ACOX3: variants seen among roughly 807,000 people sequenced by gnomAD.
ACOX3 encodes acyl-CoA oxidase 3, pristanoyl.
A neutral mutation model predicts 81.5 loss-of-function variants in ACOX3; 73 were observed. The observed-to-expected ratio is 0.90, with a 90% CI of 0.74 to 1.09. The LOEUF (loss-of-function observed/expected upper bound fraction) is 1.09, where lower values mean the gene tolerates loss of function less well. ACOX3 is among the 50% of genes least tolerant of loss of function. ACOX3 has a pLI of 0.00. For synonymous variants in ACOX3, 387 were observed against 375.1 expected (o/e 1.03, Z -0.37); for missense variants, 947 against 928.0 (o/e 1.02, Z -0.27).
At chr4:8,426,207 G>A (rs180974598) in intron 1 of ACOX3, among the ~76,000 whole-genome samples, 114 of 152,134 alleles carry the variant, frequency 7.5e-4, no homozygotes, top group African/African-American at 2.6e-3. Context: ...ACCTGTACCC[G>A]AGAGGAGGGA....
the ACOX3 span, among the ~76,000 whole-genome samples, chr4:8,361,163 C>T: frequency 5.9e-5 from 9 of 151,958 alleles, no homozygotes; most frequent in Non-Finnish European, 1.2e-4. Context: ...GTGGCTCACG[C>T]CCGTAATCCC....
In ACOX3 at chr4:8,394,812, T is replaced by C; in HGVS notation, c.1057-70A>G. 5 of 1,555,946 alleles carry C rather than the reference T, an allele frequency of 3.2e-6. No homozygotes were observed. The highest frequency in any genetic ancestry group is 2.1e-4 in the Middle Eastern group (1 of 4,738). Reference sequence around the variant, plus strand: ...GAAGGGCAGCCCATCCCAGGGACCATGAAAGCCAGTGCAGGGAGAGGCCGT... The same window carrying C: ...GAAGGGCAGCCCATCCCAGGGACCACGAAAGCCAGTGCAGGGAGAGGCCGT... On this transcript the variant is annotated intron_variant, in intron 9 of 17. Coordinates refer to ENST00000356406, the MANE Select transcript of ACOX3 (RefSeq NM_003501.3). This position sits in a 1 kb window ranked among gnomAD's most constrained non-coding sequence, Gnocchi z 5.9.
chr4:8,371,687 G>A (rs898553402), intron 16 of ACOX3, among the ~76,000 whole-genome samples: 2 of 152,262 alleles, frequency 1.3e-5, no homozygotes, highest in Non-Finnish European at 2.9e-5. Flanking sequence ...GCACCTCTGC[G>A]CTTCAGCGCC....
the ACOX3 span, among the ~76,000 whole-genome samples, chr4:8,360,847 C>G: frequency 2.0e-5 from 3 of 152,110 alleles, no homozygotes; most frequent in African/African-American, 7.2e-5. Flanking sequence ...GTGGAGTTAG[C>G]CACGCCCCTA....
chr4:8,395,160 C>T (rs1719550571), intron 9 of ACOX3, among the ~76,000 whole-genome samples: 1 of 150,328 alleles, frequency 6.7e-6, no homozygotes, highest in Non-Finnish European at 1.5e-5. Flanking sequence ...AAGCTGAGGC[C>T]CACACAGAGC....
chr4:8,399,669 G>T lies in ACOX3; in HGVS notation c.777-17C>A. On this transcript the variant is annotated splice_polypyrimidine_tract_variant and intron_variant, in intron 7 of 17. Coordinates refer to ENST00000356406, the MANE Select transcript of ACOX3 (RefSeq NM_003501.3). This position sits in a 1 kb window ranked among gnomAD's most constrained non-coding sequence, Gnocchi z 4.9. Reference sequence around the variant, plus strand: ...ATGGCGAAACTGTGGGGAAGCAGCAGGGCTTCTGTTAAACAGGGGTCCTGC... The same window carrying T: ...ATGGCGAAACTGTGGGGAAGCAGCATGGCTTCTGTTAAACAGGGGTCCTGC... 6 of 1,610,066 alleles carry T rather than the reference G, an allele frequency of 3.7e-6. No homozygotes were observed. The highest frequency in any genetic ancestry group is 5.1e-6 in the Non-Finnish European group (6 of 1,176,366).
chr4:8,402,369 C>T (rs1423934301), intron 7 of ACOX3, among the ~76,000 whole-genome samples: 1 of 152,218 alleles, frequency 6.6e-6, no homozygotes, highest in African/African-American at 2.4e-5. Context: ...CAGCTTCCCC[C>T]ATGCCACAGC....
At position 8,429,915 on chromosome 4, in the gene ACOX3, A is replaced by G. The variant is rs375632864; in HGVS notation, c.-15+10733T>C. Among the ~76,000 whole-genome samples, 16 of 152,292 alleles carry G rather than the reference A, an allele frequency of 1.1e-4. No individual in the cohort carries two copies. In the East Asian group the frequency reaches 2.9e-3, roughly 27 times the overall value. On this transcript the variant is annotated intron_variant, in intron 1 of 17. Transcript: ENST00000356406. The stretch of plus-strand genomic sequence containing the variant: ...AACATAGTGAGACTCTGCATTAAAA[A>G]AAAAAAAGTGAAAAAAGCACAAGGA...
Position 8,392,337 on chromosome 4 carries a change from C to A in ACOX3, c.1296G>T (p.Leu432=). ...CREACGGHGY[L]AMNRLGVLRD... ...ATGCGCTTCTCCAAAACCTACTGGCCAGATAGCCGTGTCCTCCACACGCCT... is the reference window on the plus strand; with the variant it reads ...ATGCGCTTCTCCAAAACCTACTGGCAAGATAGCCGTGTCCTCCACACGCCT... The change falls in exon 11 of 18, where the codon CTG becomes CTT. Residue 432 remains leucine (L), a synonymous_variant. Transcript: ENST00000356406. 1.3e-6 allele frequency: 2 copies of A among 1,575,794 alleles called. No individual in the cohort carries two copies. Among genetic ancestry groups the A allele is most frequent in the Non-Finnish European group, 1.7e-6 (2 of 1,162,972 alleles).
chr4:8,381,466 AG>A lies in ACOX3; in HGVS notation c.1653+25del, dbSNP rs1717638396. On this transcript the variant is annotated intron_variant, in intron 14 of 17. Coordinates refer to ENST00000356406, the MANE Select transcript of ACOX3 (RefSeq NM_003501.3). This position sits in a 1 kb window ranked among gnomAD's most constrained non-coding sequence, Gnocchi z 4.3. Reference sequence around the variant, plus strand: ...GGGAATTAAGAGCAAATAATACAAAAGGGAATTTTGAAAACAAATACTTACC... The same window carrying A: ...GGGAATTAAGAGCAAATAATACAAAAGGAATTTTGAAAACAAATACTTACC... The A allele has an allele frequency of 6.3e-7, 1 of 1,594,612 alleles. No homozygotes were observed. The highest frequency in any genetic ancestry group is 1.3e-5 in the African/African-American group (1 of 74,436).
intron 5 of ACOX3, among the ~76,000 whole-genome samples, chr4:8,411,931 G>T (rs1485719509): frequency 6.6e-6 from 1 of 152,148 alleles, no homozygotes; most frequent in Non-Finnish European, 1.5e-5. Context: ...CTGGATCCTG[G>T]GCACCCCAAC....
intron 13 of ACOX3, among the ~76,000 whole-genome samples, chr4:8,387,099 G>A (rs533456492): frequency 6.6e-6 from 1 of 152,350 alleles, no homozygotes; most frequent in East Asian, 1.9e-4. Context: ...CGCTCTATCT[G>A]CCCAGTTGAA....
intron 1 of ACOX3, among the ~76,000 whole-genome samples, chr4:8,435,231 C>G (rs1724158542): frequency 6.6e-6 from 1 of 152,172 alleles, no homozygotes; most frequent in South Asian, 2.1e-4. Flanking sequence ...TGGCTCACGC[C>G]TATAATCCCA....
downstream of ACOX3, among the ~76,000 whole-genome samples, chr4:8,365,755 G>C (rs1272292505): frequency 2.6e-5 from 4 of 152,204 alleles, no homozygotes; most frequent in Non-Finnish European, 2.9e-5. Flanking sequence ...ATGTGGTGGG[G>C]GGGTGGTGTC....
In ACOX3 at chr4:8,389,908, C is replaced by A. The variant is rs1212971292; in HGVS notation, c.1301-174G>T. ...TCACTTGAAGCCAGGTGTTCAAGAC[C>A]AGCCTGACCAACATGGTGAAACCCA... is the stretch of plus-strand genomic sequence containing the variant. On this transcript the variant is annotated intron_variant, in intron 11 of 17. Transcript: ENST00000356406. This position sits in a 1 kb window ranked among gnomAD's most constrained non-coding sequence, Gnocchi z 5.3. 6.6e-6 allele frequency among the ~76,000 whole-genome samples: 1 copy of A among 152,006 alleles called. No individual in the cohort carries two copies. The highest frequency in any genetic ancestry group is 1.5e-5 in the Non-Finnish European group (1 of 68,008).
At chr4:8,371,118 G>A (rs1192212967) in intron 16 of ACOX3, 124 bp from the exon 17 acceptor site, 5 of 786,102 alleles carry the variant, frequency 6.4e-6, no homozygotes, top group African/African-American at 1.7e-5. Flanking sequence ...CGGCACGTGC[G>A]GCTCTGCTGC....
intron 15 of ACOX3, chr4:8,374,224 G>C (rs1452876827): frequency 6.4e-6 from 1 of 155,394 alleles, no homozygotes; most frequent in African/African-American, 2.4e-5. Context: ...TTCCGCTGGA[G>C]AGAACTGTGT....
chr4:8,369,305 G>A (rs979856823), intron 17 of ACOX3, among the ~76,000 whole-genome samples: 5 of 152,104 alleles, frequency 3.3e-5, no homozygotes, highest in Non-Finnish European at 7.4e-5. Context: ...TCCCAGGAAG[G>A]TGGGTAGGGC....
In ACOX3 at chr4:8,414,508, C is replaced by T. The variant is rs1380555455; in HGVS notation, c.454-127G>A. On this transcript the variant is annotated intron_variant, in intron 4 of 17. Transcript: ENST00000356406. This position sits in a 1 kb window ranked among gnomAD's most constrained non-coding sequence, Gnocchi z 6.1. ...ATCAAAGCCCCAAATTTCCATCTAC[C>T]CAACTAGTGACTTGACTGAGTCATG... 1 of 878,080 alleles carries T rather than the reference C, an allele frequency of 1.1e-6. No homozygotes were observed. The highest frequency in any genetic ancestry group is 1.8e-6 in the Non-Finnish European group (1 of 550,450). 54.4% of individuals were successfully genotyped at this position (878,080 alleles called of 1,614,324 possible).
Sources: allele counts gnomAD v4.1 joint callset (sites outside exome capture counted in the v4.1 genomes callset), GRCh38; gene constraint gnomAD v4.1.1; non-coding constraint Gnocchi (gnomAD v3.1); transcripts MANE v1.5; gene names NCBI Gene and HGNC (gene_info 2026-07-23, HGNC 2026-07-21).